MYOM2: variants seen among roughly 807,000 people sequenced by gnomAD.
MYOM2 encodes the protein myomesin 2, also known as myomesin-2.
MYOM2 carries 254 observed loss-of-function variants against 187.6 expected under a neutral mutation model. The observed-to-expected ratio is 1.35, with a 90% CI of 1.22 to 1.50. The LOEUF (loss-of-function observed/expected upper bound fraction) is 1.50. Ranked by LOEUF, MYOM2 falls within the 40% of genes most tolerant of loss-of-function variation. The probability of loss-of-function intolerance (pLI) is 0.00; values close to 1 mark genes in which losing one functional copy is unlikely to be tolerated. For missense variants in MYOM2, 2,796 were observed against 1,924.0 expected, an observed-to-expected ratio of 1.45 and a Z score of -8.48; for synonymous variants, 981 against 753.8, an observed-to-expected ratio of 1.30 and a Z score of -4.94.
chr8:2,047,523 G>C (rs1261037921), intron 1 of MYOM2, among the ~76,000 whole-genome samples: 1 of 152,184 alleles, frequency 6.6e-6, no homozygotes, highest in Non-Finnish European at 1.5e-5. Flanking sequence ...GGAGCTCTAA[G>C]GTGTTTTCAT....
rs569272907 is a variant in MYOM2 at position 2,145,202 on chromosome 8, A to G, written c.*221A>G. 5.0e-6 allele frequency: 3 copies of G among 596,240 alleles called. No homozygotes were observed. In the East Asian group the frequency reaches 8.6e-5, roughly 17 times the overall value. 36.9% of individuals were successfully genotyped at this position (596,240 alleles called of 1,614,324 possible). On this transcript the variant is annotated 3_prime_UTR_variant, in exon 37 of 37. Transcript: ENST00000262113. Reference sequence around the variant, plus strand: ...ACAAGACTGAACAACGTGTATTTACACGAGGGTAGACGGCAGATGCCTGAC... The same window carrying G: ...ACAAGACTGAACAACGTGTATTTACGCGAGGGTAGACGGCAGATGCCTGAC...
At chr8:2,112,775 C>T (rs912119606) in intron 25 of MYOM2, among the ~76,000 whole-genome samples, 19 of 152,244 alleles carry the variant, frequency 1.2e-4, no homozygotes, top group East Asian at 3.9e-4. Flanking sequence ...AACAAATGCA[C>T]GTGATTTATC....
intron 32 of MYOM2, among the ~76,000 whole-genome samples, chr8:2,139,790 G>C (rs917098058): frequency 2.6e-5 from 4 of 152,182 alleles, no homozygotes; most frequent in African/African-American, 4.8e-5. Context: ...GTAATGTTAG[G>C]AAATAACTTA....
At position 2,057,401 on chromosome 8, in the gene MYOM2, G is replaced by C; in HGVS notation, c.317G>C (p.Ser106Thr). Residue 106 changes from serine (S) to threonine (T), a missense_variant, in exon 4 of 37, where the codon AGC (serine) becomes ACC (threonine). Ser to Thr is a moderately conservative substitution (Grantham distance 58, BLOSUM62 1). Coordinates refer to ENST00000262113, the MANE Select transcript of MYOM2 (RefSeq NM_003970.4). ...YGEAKRQRFL[S>T]ELAHLEEDVH... ...GAGGCCAAGCGACAGCGCTTCCTCA[G>C]CGAGCTGGCCCACTTGGAGGAGGAT... 1 of 1,613,968 alleles carries C rather than the reference G, an allele frequency of 6.2e-7. No homozygotes were observed. The highest frequency in any genetic ancestry group is 8.5e-7 in the Non-Finnish European group (1 of 1,179,958).
intron 36 of MYOM2, among the ~76,000 whole-genome samples, chr8:2,144,090 A>C (rs1243034973): frequency 6.6e-6 from 1 of 152,090 alleles, no homozygotes; most frequent in East Asian, 1.9e-4. Context: ...AAATTTATAG[A>C]CGTCTTCTTT....
At chr8:2,127,970 A>G (rs1374643194) in intron 31 of MYOM2, 3 of 152,268 alleles carry the variant, frequency 2.0e-5, no homozygotes, top group South Asian at 2.1e-4. Context: ...TTTGGTTTCT[A>G]TTTCTTTACA....
chr8:2,107,485 G>A (rs1796932971), intron 23 of MYOM2, among the ~76,000 whole-genome samples: 1 of 152,164 alleles, frequency 6.6e-6, no homozygotes, highest in East Asian at 1.9e-4. Flanking sequence ...GCTGTGATCT[G>A]AGAACATCCG....
At chr8:2,107,580 G>A (rs1220852731) in intron 23 of MYOM2, among the ~76,000 whole-genome samples, 1 of 152,092 alleles carries the variant, frequency 6.6e-6, no homozygotes, top group Admixed American at 6.5e-5. Context: ...TCGGCTTCTC[G>A]AGTGTGCAGG....
intron 18 of MYOM2, chr8:2,097,908 T>C (rs2116761340): frequency 6.6e-6 from 1 of 152,364 alleles, no homozygotes; most frequent in East Asian, 1.9e-4. Flanking sequence ...GCACGAGAAC[T>C]CGCCCCTCCT....
intron 25 of MYOM2, among the ~76,000 whole-genome samples, chr8:2,112,643 G>C (rs966200923): frequency 3.3e-5 from 5 of 152,186 alleles, no homozygotes; most frequent in Admixed American, 2.6e-4. Context: ...TGAACACAGA[G>C]AGAGAAACTG....
intron 3 of MYOM2, among the ~76,000 whole-genome samples, chr8:2,053,443 AC>A (rs1253403143): frequency 6.6e-6 from 1 of 152,228 alleles, no homozygotes; most frequent in Non-Finnish European, 1.5e-5. Flanking sequence ...ACAATAGAAT[AC>A]TTGAGCTTAT....
chr8:2,076,371 G>T, intron 11 of MYOM2, 89 bp downstream of exon 11: 1 of 1,478,572 alleles, frequency 6.8e-7, no homozygotes, highest in South Asian at 1.3e-5. Flanking sequence ...CTCAATGCAG[G>T]TTGACGTTCC....
At chr8:2,078,637 G>T in intron 11 of MYOM2, 97 bp from the exon 12 acceptor site, 9 of 1,114,378 alleles carry the variant, frequency 8.1e-6, no homozygotes, top group African/African-American at 1.5e-5. Context: ...ATATTGTCCT[G>T]TTATAATCAG....
intron 28 of MYOM2, among the ~76,000 whole-genome samples, chr8:2,119,618 C>T (rs527746214): frequency 5.3e-5 from 8 of 152,190 alleles, no homozygotes; most frequent in African/African-American, 1.9e-4. Flanking sequence ...AGCAGGAGCC[C>T]GCTGCCCTCT....
intron 32 of MYOM2, among the ~76,000 whole-genome samples, chr8:2,133,376 C>G (rs3824169): frequency 0.2 from 30,898 of 152,038 alleles, 3,225 homozygotes; most frequent in Middle Eastern, 0.26. Context: ...CTGAGAAGAG[C>G]TCAGACACCA....
intron 10 of MYOM2, 56 bp from the exon 11 acceptor site, chr8:2,076,085 G>T: frequency 6.5e-7 from 1 of 1,550,296 alleles, no homozygotes. Context: ...AACAGGCTTT[G>T]CAGTGACCCC....
At chr8:2,067,792 G>T (rs1217747164) in intron 6 of MYOM2, among the ~76,000 whole-genome samples, 1 of 152,076 alleles carries the variant, frequency 6.6e-6, no homozygotes, top group Non-Finnish European at 1.5e-5. Context: ...ACACACATCA[G>T]TGTCTCAGGT....
At chr8:2,084,729 G>C (rs1415820139) in intron 13 of MYOM2, among the ~76,000 whole-genome samples, 1 of 152,228 alleles carries the variant, frequency 6.6e-6, no homozygotes, top group Admixed American at 6.5e-5. Flanking sequence ...ATAGAATACA[G>C]TGCCTGTGAA....
rs986645720 is a variant in MYOM2, at chr8:2,057,425, A to G, written c.341A>G (p.Asp114Gly). The G allele has an allele frequency of 2.5e-6, 4 of 1,613,874 alleles. No individual in the cohort carries two copies. In the Admixed American group the frequency reaches 6.7e-5, roughly 27 times the overall value. Residue 114 changes from aspartate to glycine, a missense_variant, in exon 4 of 37, where the codon GAT becomes GGT. Physicochemically the swap from Asp to Gly is moderately conservative, Grantham distance 94. Coordinates refer to ENST00000262113, the MANE Select transcript of MYOM2 (RefSeq NM_003970.4). ...AGCGAGCTGGCCCACTTGGAGGAGG[A>G]TGTCCACCTGGCACGCTCCCAGGCC... Reference protein sequence around the residue: ...FLSELAHLEEDVHLARSQARD... With the variant: ...FLSELAHLEEGVHLARSQARD...
Sources: allele counts gnomAD v4.1 joint callset (sites outside exome capture counted in the v4.1 genomes callset), GRCh38; gene constraint gnomAD v4.1.1; transcripts MANE v1.5; gene names NCBI Gene and HGNC (gene_info 2026-07-23, HGNC 2026-07-21).